Variants in MON2 observed in about 807,000 individuals in gnomAD.
The protein encoded by MON2 is MON2 regulator of endosome-to-Golgi trafficking.
In MON2, 84 loss-of-function variants were observed where a neutral mutation model predicts 208.6. The ratio of observed to expected loss-of-function variants is 0.40; its 90% CI spans 0.34 to 0.48. The LOEUF (loss-of-function observed/expected upper bound fraction) is 0.48, where lower values mean the gene tolerates loss of function less well. Ranked by LOEUF, MON2 falls within the 20% of genes least tolerant of loss-of-function variation. The probability of loss-of-function intolerance (pLI) is 0.59; values close to 1 mark genes in which losing one functional copy is unlikely to be tolerated. For missense variants in MON2, 1,611 were observed against 2,015.4 expected, an observed-to-expected ratio of 0.80 and a Z score of 3.84; for synonymous variants, 660 against 694.0, an observed-to-expected ratio of 0.95 and a Z score of 0.77.
chr12:62,487,582 A>G (rs2069876645), intron 2 of MON2, among the ~76,000 whole-genome samples: 2 of 151,970 alleles, frequency 1.3e-5, no homozygotes, highest in Non-Finnish European at 2.9e-5. Context: ...CTCATAACTA[A>G]AAGATCTTTA....
chr12:62,567,228 T>A (rs2074417193), intron 29 of MON2, among the ~76,000 whole-genome samples: 2 of 152,340 alleles, frequency 1.3e-5, no homozygotes, highest in South Asian at 4.2e-4. Flanking sequence ...TGAGCTGTCT[T>A]CTCTAAAGAC....
intron 10 of MON2, among the ~76,000 whole-genome samples, 188 bp from the exon 11 acceptor site, chr12:62,525,761 G>T (rs977858306): frequency 6.6e-6 from 1 of 152,154 alleles, no homozygotes; most frequent in African/African-American, 2.4e-5. Context: ...AAGGGAAATG[G>T]TATTTTAGGG....
At chr12:62,544,863 G>T (rs2073411662) in intron 20 of MON2, 35 bp from the exon 21 acceptor site, 1 of 1,588,666 alleles carries the variant, frequency 6.3e-7, no homozygotes, top group Non-Finnish European at 8.6e-7. Flanking sequence ...CATAGCTTAA[G>T]TATACAAATT....
intron 26 of MON2, among the ~76,000 whole-genome samples, chr12:62,564,196 C>A (rs2074292730): frequency 2.0e-5 from 3 of 152,094 alleles, no homozygotes; most frequent in Non-Finnish European, 4.4e-5. Flanking sequence ...TAAATGGCTA[C>A]ATCTCCTCTG....
intron 11 of MON2, among the ~76,000 whole-genome samples, chr12:62,530,027 T>C (rs898307824): frequency 6.6e-6 from 1 of 152,144 alleles, no homozygotes. Flanking sequence ...TTTAAAAATA[T>C]GCAATAGATT....
At position 62,537,174 on chromosome 12, in the gene MON2, G is replaced by A. The variant is rs757906915; in HGVS notation, c.1924G>A (p.Val642Ile). 1.9e-6 allele frequency: 3 copies of A among 1,612,356 alleles called. No homozygotes were observed. The African/African-American group carries it at 4.0e-5, about 22-fold the overall frequency. Residue 642 changes from valine (V) to isoleucine (I), a missense_variant, in exon 15 of 35, where the codon GTT becomes ATT. By Grantham distance (29) the Val-to-Ile change is conservative. Coordinates refer to ENST00000393630, the MANE Select transcript of MON2 (RefSeq NM_015026.3). ...AGCATATTCCGTTCAGGGCCAAAGT[G>A]TTATGATGATAAGTCCATCAAGTGA... ...NKSYSVQGQS[V>I]MMISPSSESH... is the part of the protein sequence containing the mutation.
chr12:62,527,450 A>G (rs2072390994), intron 11 of MON2, among the ~76,000 whole-genome samples: 1 of 152,202 alleles, frequency 6.6e-6, no homozygotes, highest in African/African-American at 2.4e-5. Context: ...TTTATATTCA[A>G]ATCACTTAGT....
chr12:62,587,549 G>T (rs564817812), intron 33 of MON2, among the ~76,000 whole-genome samples: 17 of 151,578 alleles, frequency 1.1e-4, no homozygotes, highest in Admixed American at 6.6e-4. Flanking sequence ...AGCATGGGCA[G>T]CATAGCAAGC....
chr12:62,583,968 AAAAAAAC>A, intron 32 of MON2, among the ~76,000 whole-genome samples: 1 of 148,472 alleles, frequency 6.7e-6, no homozygotes. Context: ...CTCAAAAAAA[AAAAAAAC>A]AAAAAAAAAA....
chr12:62,581,074 A>T (rs2074987739), intron 32 of MON2, among the ~76,000 whole-genome samples: 1 of 152,240 alleles, frequency 6.6e-6, no homozygotes, highest in Non-Finnish European at 1.5e-5. Flanking sequence ...AAGAAAATTG[A>T]TTTAGAAAGG....
intron 11 of MON2, among the ~76,000 whole-genome samples, chr12:62,526,715 G>T (rs1414277502): frequency 6.6e-6 from 1 of 151,968 alleles, no homozygotes; most frequent in African/African-American, 2.4e-5. Flanking sequence ...TTTTTCTTAA[G>T]TCTTAATGAG....
chr12:62,548,333 G>A (rs768612698), intron 22 of MON2, among the ~76,000 whole-genome samples: 31 of 152,228 alleles, frequency 2.0e-4, no homozygotes, highest in Admixed American at 6.5e-4. Context: ...CAGTTTAGTG[G>A]GGGATGGTAG....
At position 62,553,099 on chromosome 12, in the gene MON2, G is replaced by A. The variant is rs1189852267; in HGVS notation, c.3135G>A (p.Gly1045=). Residue 1045 remains glycine (G), a synonymous_variant, in exon 24 of 35, where the codon GGG becomes GGA. Coordinates refer to ENST00000393630, the MANE Select transcript of MON2 (RefSeq NM_015026.3). ...DPRPAVRKSA[G]QTLFSTIGAH... Reference sequence around the variant, plus strand: ...GTCCTGCTGTCAGGAAGAGTGCAGGGCAAACTCTGTTTTCTACAATTGGTG... The same window carrying A: ...GTCCTGCTGTCAGGAAGAGTGCAGGACAAACTCTGTTTTCTACAATTGGTG... 6.2e-7 allele frequency: 1 copy of A among 1,614,006 alleles called. No homozygotes were observed. Among genetic ancestry groups the A allele is most frequent in the Non-Finnish European group, 8.5e-7 (1 of 1,180,016 alleles).
intron 7 of MON2, among the ~76,000 whole-genome samples, chr12:62,506,337 A>G (rs1424472015): frequency 6.6e-6 from 1 of 152,218 alleles, no homozygotes; most frequent in Non-Finnish European, 1.5e-5. Flanking sequence ...TGCAGAAGTA[A>G]CAATGACTAG....
chr12:62,551,796 G>A (rs2073759842), intron 23 of MON2, among the ~76,000 whole-genome samples: 1 of 152,088 alleles, frequency 6.6e-6, no homozygotes, highest in Non-Finnish European at 1.5e-5. Context: ...TATATTTTAA[G>A]GCAATTATTT....
chr12:62,576,874 T>G (rs2074808025), intron 30 of MON2, among the ~76,000 whole-genome samples: 2 of 151,860 alleles, frequency 1.3e-5, no homozygotes, highest in Admixed American at 6.6e-5. Context: ...ATATTAATAT[T>G]ATTAATGTGT....
chr12:62,470,463 T>G (rs892282735), intron 1 of MON2, among the ~76,000 whole-genome samples: 1 of 152,194 alleles, frequency 6.6e-6, no homozygotes, highest in Non-Finnish European at 1.5e-5. Context: ...TCTATTTTTC[T>G]TAGTTGTTAT....
chr12:62,544,066 A>G (rs1278776797), intron 20 of MON2, among the ~76,000 whole-genome samples: 1 of 152,200 alleles, frequency 6.6e-6, no homozygotes, highest in Non-Finnish European at 1.5e-5. Context: ...TGCTTCTGCC[A>G]GTATGTGTGT....
At chr12:62,535,818 G>C (rs1298675345) in intron 14 of MON2, 109 bp downstream of exon 14, 2 of 542,414 alleles carry the variant, frequency 3.7e-6, no homozygotes, top group Admixed American at 4.9e-5. Context: ...TACTGACTGT[G>C]TGACCTTGGG....
Sources: gnomAD v4.1 joint callset for allele counts (sites outside exome capture counted in the v4.1 genomes callset) on GRCh38, gnomAD v4.1.1 for gene constraint, MANE v1.5 for transcripts, NCBI Gene and HGNC (gene_info 2026-07-23, HGNC 2026-07-21) for gene names.